Variants in ADAMTSL1 observed in about 807,000 individuals in gnomAD.
The protein encoded by ADAMTSL1 is ADAMTS-like protein 1.
ADAMTSL1 carries 126 observed loss-of-function variants against 201.8 expected under a neutral mutation model. That is an observed-to-expected ratio of 0.62 (90% confidence interval 0.54 to 0.72). The LOEUF (loss-of-function observed/expected upper bound fraction) is 0.72, where lower values mean the gene tolerates loss of function less well. ADAMTSL1 is among the 30% of genes least tolerant of loss of function. ADAMTSL1 has a pLI of 0.00. For missense variants in ADAMTSL1, 2,679 were observed against 2,277.8 expected, an observed-to-expected ratio of 1.18 and a Z score of -3.59; for synonymous variants, 1,121 against 903.4, an observed-to-expected ratio of 1.24 and a Z score of -4.32.
At chr9:18,505,610 T>C (rs995835193) in intron 2 of ADAMTSL1, among the ~76,000 whole-genome samples, 2 of 152,208 alleles carry the variant, frequency 1.3e-5, no homozygotes, top group Admixed American at 1.3e-4. Flanking sequence ...AGAGTAATAA[T>C]TTAAAACTCC....
At chr9:18,355,527 AT>A (rs1163307761) in intron 2 of ADAMTSL1, among the ~76,000 whole-genome samples, 1 of 152,172 alleles carries the variant, frequency 6.6e-6, no homozygotes, top group Non-Finnish European at 1.5e-5. Context: ...ATTTTGATGT[AT>A]TTCTATAGTG....
chr9:18,746,072 G>A (rs748099147), intron 15 of ADAMTSL1, among the ~76,000 whole-genome samples: 2 of 152,210 alleles, frequency 1.3e-5, no homozygotes, highest in African/African-American at 2.4e-5. Flanking sequence ...GAGCAAGGCT[G>A]AGCCCTGGAC....
chr9:17,913,945 C>T (rs1825988011), intron 1 of ADAMTSL1, among the ~76,000 whole-genome samples: 1 of 152,320 alleles, frequency 6.6e-6, no homozygotes, highest in Non-Finnish European at 1.5e-5. Context: ...TTCCTCGACA[C>T]ATACACCCTC....
chr9:17,915,749 A>G (rs1441557281), intron 1 of ADAMTSL1, among the ~76,000 whole-genome samples: 4 of 152,342 alleles, frequency 2.6e-5, no homozygotes, highest in African/African-American at 7.2e-5. Context: ...AAACAGGTAT[A>G]GTCATAGCTT....
chr9:18,385,164 A>G (rs754580545), intron 2 of ADAMTSL1, among the ~76,000 whole-genome samples: 1 of 152,054 alleles, frequency 6.6e-6, no homozygotes, highest in African/African-American at 2.4e-5. Context: ...AGTCTGGGCT[A>G]TTTTTCTCTT....
At chr9:18,701,930 A>G (rs561211273) in intron 13 of ADAMTSL1, among the ~76,000 whole-genome samples, 2 of 152,376 alleles carry the variant, frequency 1.3e-5, no homozygotes, top group Admixed American at 6.5e-5. Context: ...CTGAAAAGAC[A>G]TCTCTGAGAC....
rs934250469 is a variant in ADAMTSL1, at chr9:18,775,646, G to T, written c.2398-97G>T. Reference sequence around the variant, plus strand: ...ATCACAGTGGTTATTGCTTTTCCAAGCAAATTTCTCATATTTTGATGAGTT... The same window carrying T: ...ATCACAGTGGTTATTGCTTTTCCAATCAAATTTCTCATATTTTGATGAGTT... On this transcript the variant is annotated intron_variant, in intron 17 of 28. Coordinates refer to ENST00000380548, the MANE Select transcript of ADAMTSL1 (RefSeq NM_001040272.6). 1.5e-5 allele frequency: 22 copies of T among 1,478,166 alleles called. No individual in the cohort carries two copies. The African/African-American group carries it at 2.9e-4, about 20-fold the overall frequency. The allele number at this position is 1,478,166 out of a possible 1,614,324, so 91.6% of individuals were successfully genotyped here. A position where few individuals can be genotyped will look rare whatever the true frequency, so the allele number is the denominator to read the frequency against.
At chr9:17,944,205 C>T (rs1827359610) in intron 1 of ADAMTSL1, among the ~76,000 whole-genome samples, 1 of 152,008 alleles carries the variant, frequency 6.6e-6, no homozygotes, top group Admixed American at 6.6e-5. Context: ...GAGTGAACTC[C>T]CGTTCACAAT....
intron 1 of ADAMTSL1, among the ~76,000 whole-genome samples, chr9:18,478,050 C>T (rs975995854): frequency 6.6e-6 from 1 of 152,054 alleles, no homozygotes; most frequent in Non-Finnish European, 1.5e-5. Flanking sequence ...TGTTTTAATA[C>T]ATGTTGATGC....
intron 2 of ADAMTSL1, among the ~76,000 whole-genome samples, chr9:18,237,606 C>G (rs1830897605): frequency 6.6e-6 from 1 of 152,156 alleles, no homozygotes; most frequent in Non-Finnish European, 1.5e-5. Context: ...CTGACTGCCT[C>G]TGAGATACAA....
At chr9:18,173,821 A>T (rs2132136778) in intron 2 of ADAMTSL1, among the ~76,000 whole-genome samples, 1 of 152,264 alleles carries the variant, frequency 6.6e-6, no homozygotes, top group East Asian at 1.9e-4. Flanking sequence ...GGGCATTTTC[A>T]CGTTTCATAT....
chr9:18,392,708 T>A (rs190699851), intron 2 of ADAMTSL1, among the ~76,000 whole-genome samples: 2 of 152,340 alleles, frequency 1.3e-5, no homozygotes, highest in Admixed American at 1.3e-4. Flanking sequence ...TGTAGAATTA[T>A]GCAAAATAAT....
chr9:18,602,553 C>T (rs1238392884), intron 4 of ADAMTSL1, among the ~76,000 whole-genome samples: 1 of 152,164 alleles, frequency 6.6e-6, no homozygotes, highest in Non-Finnish European at 1.5e-5. Context: ...GGCAGCCTGC[C>T]TTTATTGTTC....
chr9:18,505,641 T>C (rs1147796), intron 2 of ADAMTSL1, among the ~76,000 whole-genome samples: 6,277 of 152,310 alleles, frequency 0.041, 184 homozygotes, highest in Non-Finnish European at 0.064. Context: ...GTGTGGTCTA[T>C]GACTAGATCT....
At chr9:18,458,607 C>T (rs1413267415) in intron 2 of ADAMTSL1, among the ~76,000 whole-genome samples, 2 of 152,138 alleles carry the variant, frequency 1.3e-5, no homozygotes, top group Non-Finnish European at 2.9e-5. Context: ...TAGCTTATTT[C>T]ACTAGATTTT....
At chr9:18,560,469 C>CT (rs1821412700) in intron 3 of ADAMTSL1, among the ~76,000 whole-genome samples, 1 of 152,164 alleles carries the variant, frequency 6.6e-6, no homozygotes, top group East Asian at 1.9e-4. Context: ...CTGAAATTTT[C>CT]TTTTTTGTTG....
intron 2 of ADAMTSL1, among the ~76,000 whole-genome samples, chr9:18,281,385 A>G (rs1381553671): frequency 1.3e-5 from 2 of 152,124 alleles, no homozygotes; most frequent in Non-Finnish European, 2.9e-5. Flanking sequence ...ACTATGGAGA[A>G]TTCAGCACCA....
chr9:18,869,245 C>G (rs1362767120), intron 23 of ADAMTSL1, among the ~76,000 whole-genome samples: 1 of 152,236 alleles, frequency 6.6e-6, no homozygotes, highest in African/African-American at 2.4e-5. Flanking sequence ...TCTCGGACTT[C>G]TAGCCTCCAG....
intron 1 of ADAMTSL1, among the ~76,000 whole-genome samples, chr9:18,081,879 C>A (rs58835486): frequency 0.25 from 37,942 of 152,020 alleles, 5,562 homozygotes; most frequent in East Asian, 0.44. Flanking sequence ...AAAATACTAG[C>A]GTATGCTTGT....
Sources: gnomAD v4.1 joint callset for allele counts (sites outside exome capture counted in the v4.1 genomes callset) on GRCh38, gnomAD v4.1.1 for gene constraint, MANE v1.5 for transcripts, NCBI Gene and HGNC (gene_info 2026-07-23, HGNC 2026-07-21) for gene names.